The following ITGBL1 variants were observed in gnomAD, a reference collection of about 807,000 sequenced individuals.
ITGBL1 encodes integrin beta-like protein 1.
In ITGBL1, 51 loss-of-function variants were observed where a neutral mutation model predicts 68.5. That is an observed-to-expected ratio of 0.74 (90% CI 0.59 to 0.94). The LOEUF is 0.94. Among genes scored for constraint, ITGBL1 ranks in the 40% least tolerant of loss-of-function variants. The probability of loss-of-function intolerance (pLI) is 0.00; values close to 1 mark genes in which losing one functional copy is unlikely to be tolerated. For missense variants in ITGBL1, 649 were observed against 647.4 expected (o/e 1.00, Z -0.03); for synonymous variants, 209 against 227.3 (o/e 0.92, Z 0.72).
chr13:101,602,466 T>G (rs1292584316), intron 7 of ITGBL1, among the ~76,000 whole-genome samples: 1 of 152,038 alleles, frequency 6.6e-6, no homozygotes, highest in Non-Finnish European at 1.5e-5. Flanking sequence ...GAAGTCGTAA[T>G]TGACATTATT....
intron 7 of ITGBL1, among the ~76,000 whole-genome samples, chr13:101,683,470 C>T (rs867982585): frequency 7.9e-5 from 12 of 151,884 alleles, no homozygotes; most frequent in African/African-American, 1.7e-4. Context: ...GTAAGTATTC[C>T]GTAATTGATG....
chr13:101,698,839 T>C (rs929252778), intron 8 of ITGBL1, among the ~76,000 whole-genome samples: 1 of 152,232 alleles, frequency 6.6e-6, no homozygotes, highest in African/African-American at 2.4e-5. Context: ...GTGTGCCATA[T>C]ACCTAGGGTG....
At position 101,541,105 on chromosome 13, in the gene ITGBL1, G is replaced by A. The variant is rs192271298; in HGVS notation, c.317-26594G>A. ...TCCAACACTATGTTGTATAGGAGTG[G>A]TGAGAGAGGACATCCCTGTCTTGTG... On this transcript the variant is annotated intron_variant, in intron 2 of 10. Coordinates refer to ENST00000376180, the MANE Select transcript of ITGBL1 (RefSeq NM_004791.3). 1.2e-3 allele frequency among the ~76,000 whole-genome samples: 181 copies of A among 147,458 alleles called. 1 individual carries two copies. The highest frequency in any genetic ancestry group is 6.8e-3 in the Middle Eastern group (2 of 294).
chr13:101,479,847 A>G (rs1055241789), intron 2 of ITGBL1, among the ~76,000 whole-genome samples: 2 of 152,044 alleles, frequency 1.3e-5, no homozygotes, highest in African/African-American at 4.8e-5. Context: ...AGAAAAAGGA[A>G]CCCTCTTACA....
intron 7 of ITGBL1, among the ~76,000 whole-genome samples, chr13:101,661,735 C>G (rs1034804854): frequency 6.6e-6 from 1 of 152,042 alleles, no homozygotes; most frequent in Non-Finnish European, 1.5e-5. Flanking sequence ...ATATCACCAC[C>G]TAATATTTTT....
chr13:101,692,502 T>C, intron 7 of ITGBL1, 83 bp from the exon 8 acceptor site: 2 of 881,908 alleles, frequency 2.3e-6, no homozygotes, highest in African/African-American at 1.6e-5. Context: ...GAGATTTGGG[T>C]TTAATAGTGT....
chr13:101,604,887 T>TATATGTATATATATATATATAC, intron 7 of ITGBL1, among the ~76,000 whole-genome samples: 1 of 22,166 alleles, frequency 4.5e-5, no homozygotes, highest in Non-Finnish European at 8.2e-5. Context: ...TATATATATA[T>TATATGTATATATATATATATAC]ACACACACAC....
intron 8 of ITGBL1, among the ~76,000 whole-genome samples, chr13:101,700,460 A>C (rs1407572859): frequency 6.6e-6 from 1 of 152,234 alleles, no homozygotes; most frequent in African/African-American, 2.4e-5. Context: ...CTTGGAAAAC[A>C]GCAAGAACCC....
At chr13:101,705,292 C>CAAAAAAAAAAAAAAAAAACAAA (rs66461824) in intron 8 of ITGBL1, among the ~76,000 whole-genome samples, 1 of 105,030 alleles carries the variant, frequency 9.5e-6, no homozygotes, top group Non-Finnish European at 1.9e-5. Flanking sequence ...ATTTAAAAAG[C>CAAAAAAAAAAAAAAAAAACAAA]AAAAAAAAAA....
Position 101,708,477 on chromosome 13 carries a change from C to T in ITGBL1, c.1279+1575C>T, listed in dbSNP as rs560088479. 4.6e-5 allele frequency among the ~76,000 whole-genome samples: 7 copies of T among 152,222 alleles called. No individual in the cohort carries two copies. In the South Asian group the frequency reaches 1.2e-3, roughly 27 times the overall value. On this transcript the variant is annotated intron_variant, in intron 9 of 10. Coordinates refer to ENST00000376180, the MANE Select transcript of ITGBL1 (RefSeq NM_004791.3). ...TAATTTTCTGAAGAAGACAGCAAAG[C>T]AAAAGTGTGCTAGAGACACTGAATC...
At chr13:101,546,235 G>A (rs910925025) in intron 2 of ITGBL1, among the ~76,000 whole-genome samples, 43 of 152,194 alleles carry the variant, frequency 2.8e-4, no homozygotes, top group African/African-American at 9.4e-4. Flanking sequence ...ATTCAGGGTG[G>A]TTGGTGCAAT....
At position 101,715,751 on chromosome 13, in the gene ITGBL1, A is replaced by T. The variant is rs1252372302; in HGVS notation, c.*97A>T. 3 of 705,982 alleles carry T rather than the reference A, an allele frequency of 4.2e-6. No homozygotes were observed. The highest frequency in any genetic ancestry group is 7.5e-6 in the Non-Finnish European group (3 of 397,422). 43.7% of individuals were successfully genotyped at this position (705,982 alleles called of 1,614,324 possible). A position where few individuals can be genotyped will look rare whatever the true frequency, so the allele number is the denominator to read the frequency against. On this transcript the variant is annotated 3_prime_UTR_variant, in exon 11 of 11. Transcript: ENST00000376180. Reference sequence around the variant, plus strand: ...TGTATATTCACCACTAGGACAGGTTAAAAAGACCATTGTATGTTTTTCTAT... The same window carrying T: ...TGTATATTCACCACTAGGACAGGTTTAAAAGACCATTGTATGTTTTTCTAT...
chr13:101,695,963 C>T (rs2033991663), intron 8 of ITGBL1, among the ~76,000 whole-genome samples: 1 of 152,176 alleles, frequency 6.6e-6, no homozygotes, highest in Admixed American at 6.5e-5. Context: ...AGTCTTGTCC[C>T]TTGTGGGCTC....
chr13:101,460,867 G>A (rs2048308959), intron 2 of ITGBL1, among the ~76,000 whole-genome samples: 1 of 152,132 alleles, frequency 6.6e-6, no homozygotes, highest in Admixed American at 6.6e-5. Context: ...ATGACCTTGG[G>A]GAGGGCACCA....
chr13:101,616,961 A>G (rs2031389771), intron 7 of ITGBL1, among the ~76,000 whole-genome samples: 1 of 152,184 alleles, frequency 6.6e-6, no homozygotes, highest in Admixed American at 6.5e-5. Context: ...AAATGGCACA[A>G]ATATATTGTG....
At position 101,705,448 on chromosome 13, in the gene ITGBL1, C is replaced by T. The variant is rs375222332; in HGVS notation, c.1133-1308C>T. Among the ~76,000 whole-genome samples the T allele has an allele frequency of 3.4e-4, 51 of 152,166 alleles. No homozygotes were observed. In the East Asian group the frequency reaches 9.1e-3, roughly 27 times the overall value. On this transcript the variant is annotated intron_variant, in intron 8 of 10. Transcript: ENST00000376180. ...CGCATTCTCGCAAGTGTCCTTCACT[C>T]CATTTACTCTACTGCATTTTTCACT... is the stretch of plus-strand genomic sequence containing the variant.
rs554264760 is a variant in ITGBL1, at chr13:101,631,098, A to G, written c.1015+32799A>G. Among the ~76,000 whole-genome samples, 12 of 152,256 alleles carry G rather than the reference A, an allele frequency of 7.9e-5. No homozygotes were observed. The East Asian group carries it at 9.7e-4, about 12-fold the overall frequency. On this transcript the variant is annotated intron_variant, in intron 7 of 10. Transcript: ENST00000376180. ...ACTCTGATATATCCTGCAGTAAGAA[A>G]AGTCTTTAACTCTGTCCAACCAATA... is the stretch of plus-strand genomic sequence containing the variant.
chr13:101,695,397 C>G (rs537080045), intron 8 of ITGBL1, among the ~76,000 whole-genome samples: 1 of 152,192 alleles, frequency 6.6e-6, no homozygotes, highest in East Asian at 1.9e-4. Context: ...ATTAGAAAAC[C>G]AAAGGGAAAA....
chr13:101,465,950 C>T (rs1285360397), intron 2 of ITGBL1, among the ~76,000 whole-genome samples: 2 of 152,114 alleles, frequency 1.3e-5, no homozygotes, highest in Non-Finnish European at 2.9e-5. Context: ...TAAAGACACT[C>T]ATAACTTTAA....
Sources: allele counts gnomAD v4.1 joint callset (sites outside exome capture counted in the v4.1 genomes callset), GRCh38; gene constraint gnomAD v4.1.1; transcripts MANE v1.5; gene names NCBI Gene and HGNC (gene_info 2026-07-23, HGNC 2026-07-21).